The following CAVIN2 variants were observed in gnomAD, a reference collection of about 807,000 sequenced individuals.
CAVIN2 encodes the protein caveolae-associated protein 2.
A neutral mutation model predicts 11.7 loss-of-function variants in CAVIN2; 13 were observed. That is an observed-to-expected ratio of 1.11 (90% CI 0.72 to 1.77). The LOEUF (loss-of-function observed/expected upper bound fraction) is 1.77, where lower values mean the gene tolerates loss of function less well. CAVIN2 is among the 40% of genes most tolerant of loss of function. The pLI is 0.00. For synonymous variants in CAVIN2, 237 were observed against 223.2 expected (o/e 1.06, Z -0.55); for missense variants, 549 against 542.9 (o/e 1.01, Z -0.11).
Position 191,836,328 on chromosome 2 carries a change from C to T in CAVIN2, c.873G>A (p.Lys291=), listed in dbSNP as rs777658797. The change falls in exon 2 of 2, where the codon AAG becomes AAA. Residue 291 remains lysine, a synonymous_variant. Coordinates refer to ENST00000304141, the MANE Select transcript of CAVIN2 (RefSeq NM_004657.6). ...TCCGCCCGAAAGTGAGGGGAGAAACCTTGAAGGGGGAGCTTTTTCCTGAGG... is the reference window on the plus strand; with the variant it reads ...TCCGCCCGAAAGTGAGGGGAGAAACTTTGAAGGGGGAGCTTTTTCCTGAGG... The part of the protein sequence containing the change: ...KISSGKSSPF[K]VSPLTFGRKK... The T allele has an allele frequency of 6.2e-7, 1 of 1,614,092 alleles. No homozygotes were observed.
chr2:191,847,047 A>T lies in CAVIN2; in HGVS notation c.-122T>A. 1 of 1,322,000 alleles carries T rather than the reference A, an allele frequency of 7.6e-7. No homozygotes were observed. Among genetic ancestry groups the T allele is most frequent in the Non-Finnish European group, 1.0e-6 (1 of 979,596 alleles). 81.9% of individuals were successfully genotyped at this position (1,322,000 alleles called of 1,614,324 possible). A position where few individuals can be genotyped will look rare whatever the true frequency, so the allele number is the denominator to read the frequency against. Reference sequence around the variant, plus strand: ...GGAGCTCAGGGCACCAGTCTCCAGGACTGGCAGAGGTTCAGACAGGCAACA... The same window carrying T: ...GGAGCTCAGGGCACCAGTCTCCAGGTCTGGCAGAGGTTCAGACAGGCAACA... On this transcript the variant is annotated 5_prime_UTR_variant, in exon 1 of 2. Transcript: ENST00000304141.
chr2:191,845,930 TTTGA>T (rs1471240088), intron 1 of CAVIN2, among the ~76,000 whole-genome samples: 5 of 152,190 alleles, frequency 3.3e-5, no homozygotes, highest in South Asian at 2.1e-4. Context: ...CAATCCTCTA[TTTGA>T]TTGGTCCCCA....
chr2:191,843,680 G>C (rs1277053284), intron 1 of CAVIN2, among the ~76,000 whole-genome samples: 1 of 152,182 alleles, frequency 6.6e-6, no homozygotes, highest in Non-Finnish European at 1.5e-5. Flanking sequence ...GCTGTTTTAA[G>C]ATCCTGGGCA....
rs35012125 is a variant in CAVIN2 at position 191,846,536 on chromosome 2, C to T, written c.390G>A (p.Glu130=). 1 of 1,614,256 alleles carries T rather than the reference C, an allele frequency of 6.2e-7. No individual in the cohort carries two copies. Among genetic ancestry groups the T allele is most frequent in the Non-Finnish European group, 8.5e-7 (1 of 1,180,052 alleles). The change falls in exon 1 of 2, where the codon GAG becomes GAA. Residue 130 remains glutamate, a synonymous_variant. Coordinates refer to ENST00000304141, the MANE Select transcript of CAVIN2 (RefSeq NM_004657.6). ...CCTGTGCGCACTGCCTATCCATGCG[C>T]TCTTTGACCGCGCGCGTGTGGGCGC... The part of the protein sequence containing the change: ...KVSAHTRAVK[E]RMDRQCAQVK...
intron 1 of CAVIN2, among the ~76,000 whole-genome samples, chr2:191,840,189 T>C (rs1435818749): frequency 6.6e-6 from 1 of 152,224 alleles, no homozygotes; most frequent in Non-Finnish European, 1.5e-5. Context: ...TGCTTTCTCT[T>C]ACAGGTTGCA....
Position 191,836,480 on chromosome 2 carries a change from TATCC to T in CAVIN2, c.717_720del (p.Asp240AlafsTer15). On this transcript the variant is annotated frameshift_variant, in exon 2 of 2. Coordinates refer to ENST00000304141, the MANE Select transcript of CAVIN2 (RefSeq NM_004657.6). LOFTEE classifies it low-confidence loss of function (END_TRUNC). Reference sequence around the variant, plus strand: ...TGGCGAGAAAATGCTTTCTTGAGGCTATCCACTTTCTTCAGGCTGGATCTTTTTA... The same window carrying T: ...TGGCGAGAAAATGCTTTCTTGAGGCTACTTTCTTCAGGCTGGATCTTTTTA... The T allele has an allele frequency of 1.2e-6, 2 of 1,614,214 alleles. No homozygotes were observed. The highest frequency in any genetic ancestry group is 1.7e-6 in the Non-Finnish European group (2 of 1,180,050).
At chr2:191,846,382 G>A in intron 1 of CAVIN2, 61 bp downstream of exon 1, 1 of 1,511,388 alleles carries the variant, frequency 6.6e-7, no homozygotes, top group Non-Finnish European at 8.9e-7. Flanking sequence ...GCCAGGATGA[G>A]CGAGATCAAG....
chr2:191,835,992 G>A lies in CAVIN2; in HGVS notation c.1209C>T (p.Ser403=). Residue 403 remains serine, a synonymous_variant, in exon 2 of 2, where the codon TCC becomes TCT. Coordinates refer to ENST00000304141, the MANE Select transcript of CAVIN2 (RefSeq NM_004657.6). The stretch of plus-strand genomic sequence containing the variant: ...CCCCATCGGAGCGCTCCGCCTCCTC[G>A]GATGTTAGCGCGTAGCTACCCTCAT... ...VRYEGSYALT[S]EEAERSDGDP... is the part of the protein sequence containing the mutation. 2 of 1,614,166 alleles carry A rather than the reference G, an allele frequency of 1.2e-6. No individual in the cohort carries two copies. The highest frequency in any genetic ancestry group is 1.7e-6 in the Non-Finnish European group (2 of 1,180,040).
At position 191,836,314 on chromosome 2, in the gene CAVIN2, G is replaced by T; in HGVS notation, c.887C>A (p.Thr296Asn). ...CTCTCGGACTTTCTTCCGCCCGAAA[G>T]TGAGGGGAGAAACCTTGAAGGGGGA... ...KSSPFKVSPL[T>N]FGRKKVREGE... is the part of the protein sequence containing the mutation. Residue 296 changes from threonine (T) to asparagine (N), a missense_variant, in exon 2 of 2, where the codon ACT (threonine) becomes AAT (asparagine). Physicochemically the swap from Thr to Asn is moderately conservative, Grantham distance 65. Transcript: ENST00000304141. 6.2e-7 allele frequency: 1 copy of T among 1,614,174 alleles called. No homozygotes were observed. Among genetic ancestry groups the T allele is most frequent in the South Asian group, 1.1e-5 (1 of 91,084 alleles).
rs1689989151 is a variant in CAVIN2, at chr2:191,834,869, T to A, written c.*1054A>T. 6.6e-6 allele frequency: 1 copy of A among 151,846 alleles called. No individual in the cohort carries two copies. Among genetic ancestry groups the A allele is most frequent in the African/African-American group, 2.4e-5 (1 of 41,420 alleles). 9.4% of individuals were successfully genotyped at this position (151,846 alleles called of 1,614,324 possible). ...TAAGCCTACATCACATCACATGGAATGTAAGGGTTAGTTTAAATTTGAAGA... is the reference window on the plus strand; with the variant it reads ...TAAGCCTACATCACATCACATGGAAAGTAAGGGTTAGTTTAAATTTGAAGA... On this transcript the variant is annotated 3_prime_UTR_variant, in exon 2 of 2. Coordinates refer to ENST00000304141, the MANE Select transcript of CAVIN2 (RefSeq NM_004657.6).
intron 1 of CAVIN2, among the ~76,000 whole-genome samples, chr2:191,837,849 C>G (rs1170993606): frequency 1.3e-5 from 2 of 152,226 alleles, no homozygotes; most frequent in Non-Finnish European, 2.9e-5. Flanking sequence ...TGGCCAGAGG[C>G]CTGAGTCTCA....
In CAVIN2 at chr2:191,839,458, C is replaced by A. The variant is rs146948050; in HGVS notation, c.484-2741G>T. On this transcript the variant is annotated intron_variant, in intron 1 of 1. Transcript: ENST00000304141. ...CTCTTTCGATTCTTTTATCATGTAT[C>A]TTTTGAGGACAGCTTTGAGGAAAGT... 5.9e-3 allele frequency among the ~76,000 whole-genome samples: 904 copies of A among 152,142 alleles called. 5 individuals carry two copies. Among genetic ancestry groups the A allele is most frequent in the Non-Finnish European group, 9.6e-3 (656 of 67,994 alleles).
chr2:191,835,952 CGGGCTGCACGGG>C lies in CAVIN2; in HGVS notation c.1237_1248del (p.Pro413_Pro416del). Reference sequence around the variant, plus strand: ...GAGGTCTGGTGCACCTGGAGCACGGCGGGCTGCACGGGGTCCCCATCGGAGCGCTCCGCCTCC... The same window carrying C: ...GAGGTCTGGTGCACCTGGAGCACGGCGTCCCCATCGGAGCGCTCCGCCTCC... On this transcript the variant is annotated inframe_deletion, in exon 2 of 2. Transcript: ENST00000304141. 6.2e-7 allele frequency: 1 copy of C among 1,613,268 alleles called. No individual in the cohort carries two copies. Among genetic ancestry groups the C allele is most frequent in the South Asian group, 1.1e-5 (1 of 91,032 alleles).
Position 191,846,506 on chromosome 2 carries a change from C to T in CAVIN2, c.420G>A (p.Lys140=), listed in dbSNP as rs754399494. 14 of 1,614,248 alleles carry T rather than the reference C, an allele frequency of 8.7e-6. No homozygotes were observed. The highest frequency in any genetic ancestry group is 1.2e-5 in the Non-Finnish European group (14 of 1,180,028). ...ERMDRQCAQV[K]RLENNHAQLL... The stretch of plus-strand genomic sequence containing the variant: ...GCTGGGCGTGGTTGTTCTCCAGCCG[C>T]TTCACCTGTGCGCACTGCCTATCCA... The change falls in exon 1 of 2, where the codon AAG becomes AAA. Residue 140 remains lysine (K), a synonymous_variant. Transcript: ENST00000304141.
In CAVIN2 at chr2:191,835,907, C is replaced by G; in HGVS notation, c.*16G>C. The stretch of plus-strand genomic sequence containing the variant: ...CCCGCTTGAGCACAGCACAGGATGG[C>G]ACGGTGGCTCTAAGCTCAGGAGGTC... On this transcript the variant is annotated 3_prime_UTR_variant, in exon 2 of 2. Transcript: ENST00000304141. 6.2e-7 allele frequency: 1 copy of G among 1,601,346 alleles called. No homozygotes were observed. The highest frequency in any genetic ancestry group is 8.5e-7 in the Non-Finnish European group (1 of 1,176,134).
intron 1 of CAVIN2, among the ~76,000 whole-genome samples, chr2:191,845,400 ACAAT>A (rs781550572): frequency 1.1e-4 from 16 of 152,346 alleles, no homozygotes; most frequent in Admixed American, 3.9e-4. Context: ...TGTGCCTTTC[ACAAT>A]CAAACTGTTG....
Position 191,846,582 on chromosome 2 carries a change from A to G in CAVIN2, c.344T>C (p.Leu115Pro). The change falls in exon 1 of 2, where the codon CTG becomes CCG. Residue 115 changes from leucine (L) to proline (P), a missense_variant. Transcript: ENST00000304141. Reference sequence around the variant, plus strand: ...GGCGCTGACCTTGCGGGACTTCTCCAGCAGCTTGCTCACCGTGTTGCTGGT... The same window carrying G: ...GGCGCTGACCTTGCGGGACTTCTCCGGCAGCTTGCTCACCGTGTTGCTGGT... ...ASTSNTVSKLLEKSRKVSAHT... is the reference protein window; with the variant it reads ...ASTSNTVSKLPEKSRKVSAHT... 1 of 1,614,252 alleles carries G rather than the reference A, an allele frequency of 6.2e-7. No homozygotes were observed.
intron 1 of CAVIN2, among the ~76,000 whole-genome samples, chr2:191,846,182 G>T (rs1279423577): frequency 3.3e-5 from 5 of 152,208 alleles, no homozygotes; most frequent in Admixed American, 6.5e-5. Flanking sequence ...AGTGCATCCA[G>T]GTGCTCCCTG....
In CAVIN2 at chr2:191,836,379, A is replaced by G. The variant is rs1227239821; in HGVS notation, c.822T>C (p.Ser274=). ...SVERREKIKK[S]LTSNHQKISS... is the part of the protein sequence containing the mutation. ...ATATTTTCTGGTGATTTGACGTGAG[A>G]GATTTCTTAATCTTCTCTCTCCTCT... The change falls in exon 2 of 2, where the codon TCT becomes TCC. Residue 274 remains serine, a synonymous_variant. Coordinates refer to ENST00000304141, the MANE Select transcript of CAVIN2 (RefSeq NM_004657.6). 1.2e-6 allele frequency: 2 copies of G among 1,613,920 alleles called. No homozygotes were observed. Among genetic ancestry groups the G allele is most frequent in the Non-Finnish European group, 8.5e-7 (1 of 1,180,012 alleles).
Sources: allele counts gnomAD v4.1 joint callset (sites outside exome capture counted in the v4.1 genomes callset), GRCh38; gene constraint gnomAD v4.1.1; transcripts MANE v1.5; gene names NCBI Gene and HGNC (gene_info 2026-07-23, HGNC 2026-07-21).